RSPO2: variants seen among roughly 807,000 people sequenced by gnomAD.
RSPO2 encodes the protein R-spondin-2.
A neutral mutation model predicts 30.9 loss-of-function variants in RSPO2; 14 were observed. The ratio of observed to expected loss-of-function variants is 0.45; its 90% CI spans 0.30 to 0.71. RSPO2 has a LOEUF of 0.71. Among genes scored for constraint, RSPO2 ranks in the 30% least tolerant of loss-of-function variants. RSPO2 has a pLI of 0.08. For synonymous variants in RSPO2, 107 were observed against 96.4 expected (o/e 1.11, Z -0.64); for missense variants, 264 against 301.9 (o/e 0.87, Z 0.93).
At chr8:108,007,191 T>A (rs1445648130) in intron 2 of RSPO2, among the ~76,000 whole-genome samples, 1 of 152,214 alleles carries the variant, frequency 6.6e-6, no homozygotes, top group Non-Finnish European at 1.5e-5. Context: ...GTTCCTCCAC[T>A]ATTTTTTGCC....
chr8:107,918,105 T>C (rs777151592), intron 5 of RSPO2, among the ~76,000 whole-genome samples: 25 of 152,220 alleles, frequency 1.6e-4, no homozygotes, highest in Admixed American at 5.9e-4. Context: ...ACTGAACTAA[T>C]AGACAAGTAA....
intron 1 of RSPO2, 32 bp from the exon 2 acceptor site, chr8:108,082,839 G>A (rs1813252480): frequency 1.8e-6 from 1 of 543,322 alleles, no homozygotes; most frequent in Non-Finnish European, 3.2e-6. Context: ...CAGGGTGTGT[G>A]GGGGATGGAG....
intron 2 of RSPO2, among the ~76,000 whole-genome samples, chr8:108,040,138 G>A (rs988398026): frequency 6.6e-6 from 1 of 152,064 alleles, no homozygotes; most frequent in Non-Finnish European, 1.5e-5. Flanking sequence ...GTATAATCAA[G>A]GGGTTAATCA....
intron 5 of RSPO2, among the ~76,000 whole-genome samples, chr8:107,949,653 A>C (rs1813178767): frequency 6.6e-6 from 1 of 152,202 alleles, no homozygotes; most frequent in Admixed American, 6.5e-5. Context: ...CTCACTTGTA[A>C]GTAGGAGAGA....
chr8:107,982,154 G>A (rs1389985), intron 3 of RSPO2, among the ~76,000 whole-genome samples: 4,718 of 151,954 alleles, frequency 0.031, 140 homozygotes, highest in Non-Finnish European at 0.048. Context: ...TAGTTAAAAT[G>A]TAGCAAATTC....
chr8:107,956,334 A>G (rs1225802990), intron 5 of RSPO2, among the ~76,000 whole-genome samples: 1 of 152,224 alleles, frequency 6.6e-6, no homozygotes, highest in Admixed American at 6.5e-5. Context: ...GTCTTTCCTA[A>G]TAAGTAAAAC....
chr8:107,965,523 A>G (rs1813772509), intron 3 of RSPO2, among the ~76,000 whole-genome samples: 1 of 152,168 alleles, frequency 6.6e-6, no homozygotes, highest in Non-Finnish European at 1.5e-5. Context: ...GGAGGTGCTA[A>G]GCCAGAGGGG....
At chr8:107,953,719 G>A (rs1813327500) in intron 5 of RSPO2, among the ~76,000 whole-genome samples, 1 of 152,186 alleles carries the variant, frequency 6.6e-6, no homozygotes, top group South Asian at 2.1e-4. Flanking sequence ...GTATCACTTT[G>A]GACCAGTCAG....
At chr8:107,956,853 T>C (rs1813449804) in intron 5 of RSPO2, among the ~76,000 whole-genome samples, 1 of 152,184 alleles carries the variant, frequency 6.6e-6, no homozygotes, top group Non-Finnish European at 1.5e-5. Context: ...AAGTGGCTTA[T>C]TAGTTTTGTA....
chr8:108,058,433 T>G (rs905135880), intron 2 of RSPO2, among the ~76,000 whole-genome samples: 7 of 152,106 alleles, frequency 4.6e-5, no homozygotes, highest in Admixed American at 4.6e-4. Context: ...CCAAGGTAAT[T>G]TATAGATTCA....
At chr8:108,010,764 G>T (rs901201648) in intron 2 of RSPO2, among the ~76,000 whole-genome samples, 2 of 152,116 alleles carry the variant, frequency 1.3e-5, no homozygotes, top group African/African-American at 4.8e-5. Context: ...AAACCTTGAT[G>T]CAAGCCTTGG....
At chr8:107,907,561 A>G (rs1348072436) in intron 5 of RSPO2, among the ~76,000 whole-genome samples, 1 of 151,748 alleles carries the variant, frequency 6.6e-6, no homozygotes, top group Non-Finnish European at 1.5e-5. Context: ...ATGTGCTTTT[A>G]AAATCTACAC....
At chr8:108,001,413 T>C (rs1257449476) in intron 2 of RSPO2, among the ~76,000 whole-genome samples, 2 of 152,070 alleles carry the variant, frequency 1.3e-5, no homozygotes, top group Non-Finnish European at 2.9e-5. Context: ...ATTACTCCCC[T>C]TTTTCCCCCT....
chr8:108,020,101 A>C (rs185392121), intron 2 of RSPO2, among the ~76,000 whole-genome samples: 2 of 151,804 alleles, frequency 1.3e-5, no homozygotes, highest in East Asian at 3.9e-4. Context: ...AAGAGGAAGA[A>C]GAAACAGTAG....
chr8:108,018,683 T>C (rs1046480072), intron 2 of RSPO2, among the ~76,000 whole-genome samples: 2 of 152,188 alleles, frequency 1.3e-5, no homozygotes, highest in African/African-American at 2.4e-5. Context: ...AGGCACATGA[T>C]AGAAAATCTG....
At chr8:107,982,268 G>A (rs1814468657) in intron 3 of RSPO2, among the ~76,000 whole-genome samples, 1 of 151,996 alleles carries the variant, frequency 6.6e-6, no homozygotes, top group Non-Finnish European at 1.5e-5. Flanking sequence ...ACATAAATTT[G>A]GAGGTTAAAA....
chr8:108,045,304 G>A (rs1394541919), intron 2 of RSPO2, among the ~76,000 whole-genome samples: 1 of 151,792 alleles, frequency 6.6e-6, no homozygotes, highest in Non-Finnish European at 1.5e-5. Flanking sequence ...GACATAAGCG[G>A]CCAACATGAA....
intron 2 of RSPO2, among the ~76,000 whole-genome samples, chr8:108,042,017 A>G (rs1321438195): frequency 6.6e-6 from 1 of 152,210 alleles, no homozygotes; most frequent in East Asian, 1.9e-4. Context: ...CTGTAGTTAC[A>G]ACAAGGCCAA....
chr8:107,940,076 T>G (rs1812847606), intron 5 of RSPO2, among the ~76,000 whole-genome samples: 1 of 152,074 alleles, frequency 6.6e-6, no homozygotes. Flanking sequence ...ATCATCAATT[T>G]CACCAACCAA....
Sources: allele counts gnomAD v4.1 joint callset (sites outside exome capture counted in the v4.1 genomes callset), GRCh38; gene constraint gnomAD v4.1.1; transcripts MANE v1.5; gene names NCBI Gene and HGNC (gene_info 2026-07-23, HGNC 2026-07-21).